The following MAPRE2 variants were observed in gnomAD, a reference collection of about 807,000 sequenced individuals.
The protein encoded by MAPRE2 is microtubule-associated protein RP/EB family member 2.
MAPRE2 carries 13 observed loss-of-function variants against 43.2 expected under a neutral mutation model. That is an observed-to-expected ratio of 0.30 (90% confidence interval 0.20 to 0.48). The LOEUF is 0.48. MAPRE2 is among the 20% of genes least tolerant of loss of function. The pLI is 0.99. For missense variants in MAPRE2, 161 were observed against 400.2 expected, an observed-to-expected ratio of 0.40 and a Z score of 5.10; for synonymous variants, 135 against 148.8, an observed-to-expected ratio of 0.91 and a Z score of 0.68.
chr18:34,980,031 CTTTTTTTTTT>C lies in MAPRE2; in HGVS notation c.-70+2966_-70+2975del, dbSNP rs796434537. 1.3e-4 allele frequency among the ~76,000 whole-genome samples: 6 copies of C among 46,128 alleles called. No homozygotes were observed. The South Asian group carries it at 2.8e-3, about 22-fold the overall frequency. 30.3% of individuals were successfully genotyped at this position (46,128 alleles called of 152,430 possible). A position where few individuals can be genotyped will look rare whatever the true frequency, so the allele number is the denominator to read the frequency against. Reference sequence around the variant, plus strand: ...CTTTTCTTTTTCTTTTTCTTTTTTTCTTTTTTTTTTTTTTTTTTTTTTTGAGACAGAGTCT... The same window carrying C: ...CTTTTCTTTTTCTTTTTCTTTTTTTCTTTTTTTTTTTTTGAGACAGAGTCT... On this transcript the variant is annotated intron_variant, in intron 1 of 7. Transcript: ENST00000413393.
At chr18:34,990,952 G>A (rs1395734348) in intron 1 of MAPRE2, among the ~76,000 whole-genome samples, 5 of 152,286 alleles carry the variant, frequency 3.3e-5, no homozygotes, top group Non-Finnish European at 7.4e-5. Context: ...TGGAAGGAAT[G>A]TTTTGTGAAC....
intron 6 of MAPRE2, among the ~76,000 whole-genome samples, chr18:35,139,150 T>G (rs1910514195): frequency 6.6e-6 from 1 of 152,170 alleles, no homozygotes; most frequent in Non-Finnish European, 1.5e-5. Flanking sequence ...TCATGCCATA[T>G]TTGAATTGGC....
At chr18:35,112,720 A>G (rs1909235199) in intron 4 of MAPRE2, among the ~76,000 whole-genome samples, 1 of 152,228 alleles carries the variant, frequency 6.6e-6, no homozygotes, top group South Asian at 2.1e-4. Flanking sequence ...TACATGTGTA[A>G]GATGTATAAA....
At chr18:35,052,862 A>G (rs1906017037) in intron 1 of MAPRE2, among the ~76,000 whole-genome samples, 1 of 152,194 alleles carries the variant, frequency 6.6e-6, no homozygotes, top group Non-Finnish European at 1.5e-5. Context: ...CTTCTGTAGT[A>G]AAGTGTTCAA....
At chr18:35,040,418 C>T (rs2150597388), upstream of MAPRE2, among the ~76,000 whole-genome samples, 1 of 152,308 alleles carries the variant, frequency 6.6e-6, no homozygotes, top group South Asian at 2.1e-4. Flanking sequence ...ACTGTCCAGT[C>T]ACATTGATAA....
chr18:35,112,159 GTTTC>G (rs1285234634), intron 4 of MAPRE2, among the ~76,000 whole-genome samples: 1 of 150,460 alleles, frequency 6.6e-6, no homozygotes, highest in Non-Finnish European at 1.5e-5. Flanking sequence ...GCAGAACACT[GTTTC>G]TTTCTTTCTT....
intron 2 of MAPRE2, among the ~76,000 whole-genome samples, chr18:35,031,667 T>C (rs1244724880): frequency 6.6e-6 from 1 of 152,218 alleles, no homozygotes; most frequent in Non-Finnish European, 1.5e-5. Flanking sequence ...GAGAGAAATC[T>C]TGTCTCATGC....
At chr18:35,078,819 G>A (rs116886324) in intron 2 of MAPRE2, among the ~76,000 whole-genome samples, 153 of 152,182 alleles carry the variant, frequency 1.0e-3, no homozygotes, top group South Asian at 8.5e-3. Context: ...TAATGACAAG[G>A]GTGTGTCCCA....
At chr18:35,017,825 T>C (rs2097039416) in intron 2 of MAPRE2, among the ~76,000 whole-genome samples, 1 of 151,694 alleles carries the variant, frequency 6.6e-6, no homozygotes, top group African/African-American at 2.4e-5. Context: ...TTCTTTCTCT[T>C]GCCTGATTGT....
At chr18:35,099,838 A>G (rs1468301809) in intron 3 of MAPRE2, among the ~76,000 whole-genome samples, 2 of 152,210 alleles carry the variant, frequency 1.3e-5, no homozygotes, top group Non-Finnish European at 2.9e-5. Context: ...TTTTAGCTGC[A>G]TAAAAAACAT....
upstream of MAPRE2, among the ~76,000 whole-genome samples, chr18:35,038,038 G>A (rs1411205979): frequency 6.6e-6 from 1 of 152,218 alleles, no homozygotes; most frequent in Non-Finnish European, 1.5e-5. Flanking sequence ...CCCTACAGCT[G>A]TAGTATCTCT....
At chr18:34,990,068 T>G (rs998734403) in intron 1 of MAPRE2, among the ~76,000 whole-genome samples, 6 of 152,154 alleles carry the variant, frequency 3.9e-5, no homozygotes, top group African/African-American at 1.4e-4. Context: ...GACACAAGAT[T>G]TTAACTTTGG....
At chr18:35,001,280 G>A (rs1455005829) in intron 1 of MAPRE2, among the ~76,000 whole-genome samples, 1 of 152,158 alleles carries the variant, frequency 6.6e-6, no homozygotes, top group Admixed American at 6.5e-5. Context: ...GGGAGGCCGA[G>A]GCAGGCAGCC....
At chr18:35,098,276 A>C (rs1908517669) in intron 3 of MAPRE2, among the ~76,000 whole-genome samples, 3 of 152,198 alleles carry the variant, frequency 2.0e-5, no homozygotes, top group Admixed American at 2.0e-4. Flanking sequence ...TTTAGGATAT[A>C]TCTCTTAGCA....
chr18:35,126,856 T>C, intron 4 of MAPRE2, 92 bp from the exon 5 acceptor site: 1 of 1,097,236 alleles, frequency 9.1e-7, no homozygotes, highest in Admixed American at 2.0e-5. Context: ...TTATATGTTG[T>C]TGTAAGCTCT....
intron 1 of MAPRE2, among the ~76,000 whole-genome samples, chr18:35,054,866 G>A (rs1041347918): frequency 6.6e-6 from 1 of 152,118 alleles, no homozygotes; most frequent in African/African-American, 2.4e-5. Context: ...GAGATGATTT[G>A]GTCATAGTTC....
intron 2 of MAPRE2, among the ~76,000 whole-genome samples, chr18:35,007,506 C>T (rs75396652): frequency 0.014 from 2,084 of 152,324 alleles, 46 homozygotes; most frequent in African/African-American, 0.047. Flanking sequence ...CTGTTCAACT[C>T]ATTGTAGTGT....
In MAPRE2 at chr18:35,132,139, T is replaced by C. The variant is rs773456230; in HGVS notation, c.858T>C (p.Asn286=). The part of the protein sequence containing the change: ...ELLCQEHGQE[N]DDLVQRLMDI... Reference sequence around the variant, plus strand: ...TCTGCCAAGAACACGGGCAGGAAAATGATGACCTCGTGCAGAGACTAATGG... The same window carrying C: ...TCTGCCAAGAACACGGGCAGGAAAACGATGACCTCGTGCAGAGACTAATGG... The change falls in exon 6 of 7, where the codon AAT becomes AAC. Residue 286 remains asparagine (N), a synonymous_variant. Transcript: ENST00000300249. 1.9e-6 allele frequency: 3 copies of C among 1,614,060 alleles called. No homozygotes were observed. Among genetic ancestry groups the C allele is most frequent in the East Asian group, 2.2e-5 (1 of 44,900 alleles).
At chr18:35,002,295 G>A (rs1325324610) in intron 1 of MAPRE2, among the ~76,000 whole-genome samples, 1 of 152,194 alleles carries the variant, frequency 6.6e-6, no homozygotes, top group Admixed American at 6.5e-5. Flanking sequence ...TTGCTGGGTA[G>A]TATTCTGAAG....
Sources: gnomAD v4.1 joint callset for allele counts (sites outside exome capture counted in the v4.1 genomes callset) on GRCh38, gnomAD v4.1.1 for gene constraint, MANE v1.5 for transcripts, NCBI Gene and HGNC (gene_info 2026-07-23, HGNC 2026-07-21) for gene names.